Variants in DNAI1 observed in about 807,000 individuals in gnomAD.
DNAI1 encodes dynein axonemal intermediate chain 1.
Under a neutral mutation model 92.0 loss-of-function variants are expected in DNAI1, and 67 were observed. The ratio of observed to expected loss-of-function variants is 0.73; its 90% confidence interval spans 0.60 to 0.89. The LOEUF is 0.89. Ranked by LOEUF, DNAI1 falls within the 40% of genes least tolerant of loss-of-function variation. The pLI, the probability that DNAI1 is intolerant of heterozygous loss-of-function variation, is 0.00. For missense variants in DNAI1, 839 were observed against 866.6 expected (o/e 0.97, Z 0.40); for synonymous variants, 323 against 319.6 (o/e 1.01, Z -0.11).
chr9:34,500,997 A>C, intron 11 of DNAI1, 141 bp from the exon 12 acceptor site: 1 of 956,154 alleles, frequency 1.0e-6, no homozygotes, highest in South Asian at 1.3e-5. Context: ...GACCACCCCC[A>C]GGACTCCCAA....
At chr9:34,518,011 A>G (rs1291157425) in intron 19 of DNAI1, among the ~76,000 whole-genome samples, 5 of 152,336 alleles carry the variant, frequency 3.3e-5, no homozygotes, top group African/African-American at 9.6e-5. Context: ...GACCCTGCCC[A>G]GAGGCCAAGG....
intron 1 of DNAI1, among the ~76,000 whole-genome samples, chr9:34,478,079 G>T (rs1824273955): frequency 6.6e-6 from 1 of 151,912 alleles, no homozygotes; most frequent in Non-Finnish European, 1.5e-5. Context: ...TAGAGATAGG[G>T]TTTCACGATG....
intron 8 of DNAI1, among the ~76,000 whole-genome samples, chr9:34,492,176 T>G (rs1824613482): frequency 6.6e-6 from 1 of 152,054 alleles, no homozygotes; most frequent in Non-Finnish European, 1.5e-5. Context: ...TAACAAAGAT[T>G]AGAGTACTTT....
intron 1 of DNAI1, among the ~76,000 whole-genome samples, chr9:34,470,671 A>G (rs1824119060): frequency 6.6e-6 from 1 of 152,254 alleles, no homozygotes. Context: ...TGATAATTTG[A>G]TATTTTAACA....
chr9:34,519,639 G>C (rs927358782), intron 19 of DNAI1, among the ~76,000 whole-genome samples: 4 of 152,154 alleles, frequency 2.6e-5, no homozygotes, highest in Non-Finnish European at 4.4e-5. Flanking sequence ...GGAAATCTGA[G>C]CTCCACATGG....
At chr9:34,471,778 AT>A (rs1374850856) in intron 1 of DNAI1, among the ~76,000 whole-genome samples, 2 of 152,138 alleles carry the variant, frequency 1.3e-5, no homozygotes, top group Non-Finnish European at 2.9e-5. Flanking sequence ...AAAAAAAAAA[AT>A]CAAAGTATTT....
At chr9:34,516,696 T>C (rs1209040695) in intron 18 of DNAI1, among the ~76,000 whole-genome samples, 1 of 152,012 alleles carries the variant, frequency 6.6e-6, no homozygotes, top group African/African-American at 2.4e-5. Flanking sequence ...CAGAGTCTAG[T>C]ACATAGTGAG....
At chr9:34,513,249 G>A (rs1825108394) in intron 16 of DNAI1, 58 bp downstream of exon 16, 3 of 1,350,056 alleles carry the variant, frequency 2.2e-6, no homozygotes, top group Non-Finnish European at 3.2e-6. Context: ...CACCTGGGGA[G>A]CTTAGAGTTC....
chr9:34,486,194 C>T (rs1824466504), intron 4 of DNAI1, among the ~76,000 whole-genome samples: 1 of 152,164 alleles, frequency 6.6e-6, no homozygotes, highest in Non-Finnish European at 1.5e-5. Flanking sequence ...CATATGTTTC[C>T]TATTTCGTTA....
At chr9:34,497,768 G>A (rs1251007734) in intron 10 of DNAI1, among the ~76,000 whole-genome samples, 1 of 152,222 alleles carries the variant, frequency 6.6e-6, no homozygotes, top group Admixed American at 6.5e-5. Flanking sequence ...GGGAGAAGCA[G>A]AGTGTGTGAG....
At chr9:34,517,887 TG>T (rs769009761) in intron 19 of DNAI1, among the ~76,000 whole-genome samples, 33 of 152,076 alleles carry the variant, frequency 2.2e-4, no homozygotes, top group Non-Finnish European at 3.5e-4. Context: ...CTGGGAGCTG[TG>T]GGTCTACACA....
chr9:34,517,752 A>G (rs1187584899), intron 19 of DNAI1, among the ~76,000 whole-genome samples: 1 of 152,198 alleles, frequency 6.6e-6, no homozygotes, highest in Non-Finnish European at 1.5e-5. Flanking sequence ...ATGTGGAGGT[A>G]TCATTGATTT....
In DNAI1 at chr9:34,512,171, C is replaced by G. The variant is rs772610592; in HGVS notation, c.1374C>G (p.Gly458=). The change falls in exon 14 of 20, where the codon GGC becomes GGG. Residue 458 remains glycine, a synonymous_variant. Coordinates refer to ENST00000242317, the MANE Select transcript of DNAI1 (RefSeq NM_012144.4). ...ACTTCTTCTCTGTGTCATCTGACGGCAGGATTGTGTCTTGGACTCTCGTGA... is the reference window on the plus strand; with the variant it reads ...ACTTCTTCTCTGTGTCATCTGACGGGAGGATTGTGTCTTGGACTCTCGTGA... ...NLNFFSVSSD[G]RIVSWTLVKR... is the part of the protein sequence containing the mutation. 4.3e-6 allele frequency: 7 copies of G among 1,614,160 alleles called. No homozygotes were observed. Among genetic ancestry groups the G allele is most frequent in the Non-Finnish European group, 5.9e-6 (7 of 1,180,032 alleles).
At chr9:34,505,607 G>A (rs1408715203) in intron 12 of DNAI1, among the ~76,000 whole-genome samples, 1 of 152,226 alleles carries the variant, frequency 6.6e-6, no homozygotes, top group Non-Finnish European at 1.5e-5. Flanking sequence ...TAATAAGGGA[G>A]TCATTAAACA....
chr9:34,518,274 T>C (rs945042167), intron 19 of DNAI1, among the ~76,000 whole-genome samples: 1 of 152,250 alleles, frequency 6.6e-6, no homozygotes. Flanking sequence ...AGGCATTTAC[T>C]GCAGTTTGAG....
Position 34,458,870 on chromosome 9 carries a change from C to G in DNAI1, c.-136C>G, listed in dbSNP as rs1414656492. On this transcript the variant is annotated 5_prime_UTR_variant, in exon 1 of 20. Coordinates refer to ENST00000242317, the MANE Select transcript of DNAI1 (RefSeq NM_012144.4). This position sits in a 1 kb window ranked among gnomAD's most constrained non-coding sequence, Gnocchi z 6.6. Reference sequence around the variant, plus strand: ...GCAAGGGCACGGGGACCCACAACGACGGCTGTCCCTAAAGAACCGTTGCGA... The same window carrying G: ...GCAAGGGCACGGGGACCCACAACGAGGGCTGTCCCTAAAGAACCGTTGCGA... The G allele has an allele frequency of 1.3e-6, 1 of 776,200 alleles. No homozygotes were observed. The allele number at this position is 776,200 out of a possible 1,614,324, so 48.1% of individuals were successfully genotyped here. A position where few individuals can be genotyped will look rare whatever the true frequency, so the allele number is the denominator to read the frequency against.
chr9:34,485,093 G>A (rs1824444339), intron 2 of DNAI1, 49 bp from the exon 3 acceptor site: 3 of 1,595,504 alleles, frequency 1.9e-6, no homozygotes, highest in Non-Finnish European at 2.6e-6. Flanking sequence ...CTGTATGCTT[G>A]TCCAAGCAGA....
rs149686587 is a variant in DNAI1 at position 34,513,744 on chromosome 9, G to T, written c.1569+553G>T. On this transcript the variant is annotated intron_variant, in intron 16 of 19. Coordinates refer to ENST00000242317, the MANE Select transcript of DNAI1 (RefSeq NM_012144.4). ...GCCTCTTGGGAGCCCCTGAGGCCCA[G>T]CCAGAGCTGGTCTGAATGCAAAAGA... Among the ~76,000 whole-genome samples the T allele has an allele frequency of 5.8e-3, 883 of 152,310 alleles. 10 individuals carry two copies. The highest frequency in any genetic ancestry group is 0.019 in the African/African-American group (800 of 41,556).
chr9:34,466,836 C>T (rs1824047456), intron 1 of DNAI1, among the ~76,000 whole-genome samples: 1 of 152,204 alleles, frequency 6.6e-6, no homozygotes, highest in Admixed American at 6.5e-5. Context: ...TCTCCGCTCC[C>T]TCATAATTTT....
Sources: allele counts gnomAD v4.1 joint callset (sites outside exome capture counted in the v4.1 genomes callset), GRCh38; gene constraint gnomAD v4.1.1; non-coding constraint Gnocchi (gnomAD v3.1); transcripts MANE v1.5; gene names NCBI Gene and HGNC (gene_info 2026-07-23, HGNC 2026-07-21).